Variants in ABI2 observed in about 807,000 individuals in gnomAD.
ABI2 encodes abl interactor 2.
In ABI2, 25 loss-of-function variants were observed where a neutral mutation model predicts 59.2. The observed-to-expected ratio is 0.42, with a 90% CI of 0.31 to 0.59. The LOEUF (loss-of-function observed/expected upper bound fraction) is 0.59, where lower values mean the gene tolerates loss of function less well. Ranked by LOEUF, ABI2 falls within the 20% of genes least tolerant of loss-of-function variation. The pLI, the probability that ABI2 is intolerant of heterozygous loss-of-function variation, is 0.14. For missense variants in ABI2, 545 were observed against 681.8 expected, an observed-to-expected ratio of 0.80 and a Z score of 2.23; for synonymous variants, 213 against 235.5, an observed-to-expected ratio of 0.90 and a Z score of 0.87.
At chr2:203,414,977 A>G (rs1178620154) in intron 10 of ABI2, among the ~76,000 whole-genome samples, 3 of 152,256 alleles carry the variant, frequency 2.0e-5, no homozygotes, top group Non-Finnish European at 4.4e-5. Flanking sequence ...AAAATGACCA[A>G]TGGCAGCATC....
intron 8 of ABI2, among the ~76,000 whole-genome samples, chr2:203,400,537 T>C (rs2097178231): frequency 6.6e-6 from 1 of 152,264 alleles, no homozygotes; most frequent in Non-Finnish European, 1.5e-5. Context: ...TAACTAAATA[T>C]GCCTTTTAAA....
intron 4 of ABI2, among the ~76,000 whole-genome samples, chr2:203,384,875 C>T (rs186403996): frequency 1.3e-5 from 2 of 151,018 alleles, no homozygotes; most frequent in African/African-American, 4.9e-5. Context: ...TGCTCCGTCA[C>T]CCAGGCTGGA....
At chr2:203,351,825 C>T (rs942722028) in intron 1 of ABI2, 15 of 237,704 alleles carry the variant, frequency 6.3e-5, no homozygotes, top group Non-Finnish European at 8.4e-5. Flanking sequence ...AGTGAACTAC[C>T]GCACCCAGCC....
chr2:203,425,286 CG>C (rs1559399847), intron 11 of ABI2, among the ~76,000 whole-genome samples: 1 of 151,932 alleles, frequency 6.6e-6, no homozygotes, highest in Non-Finnish European at 1.5e-5. Context: ...GGAAGTGTTG[CG>C]ATCTCAGCTC....
At chr2:203,359,935 C>T (rs2093162994) in intron 1 of ABI2, among the ~76,000 whole-genome samples, 1 of 151,776 alleles carries the variant, frequency 6.6e-6, no homozygotes, top group African/African-American at 2.4e-5. Context: ...GCCTGTAATC[C>T]CAGCAGTTTG....
intron 5 of ABI2, among the ~76,000 whole-genome samples, chr2:203,393,549 A>G (rs2096856828): frequency 6.6e-6 from 1 of 152,120 alleles, no homozygotes. Context: ...AGTGTCCCTT[A>G]TTTTATTTTT....
chr2:203,392,303 C>CACCACT lies in ABI2; in HGVS notation c.578+1165_578+1166insTACCAC, dbSNP rs1379368400. On this transcript the variant is annotated intron_variant, in intron 5 of 11. Coordinates refer to ENST00000261018, the MANE Select transcript of ABI2 (RefSeq NM_001375670.1). The stretch of plus-strand genomic sequence containing the variant: ...CCACCACCACCACCACCACCACCAC[C>CACCACT]ACCACCACCACCAACAACAACAACA... Among the ~76,000 whole-genome samples, 217 of 98,056 alleles carry CACCACT rather than the reference C, an allele frequency of 2.2e-3. 1 individual carries two copies. The highest frequency in any genetic ancestry group is 8.1e-3 in the African/African-American group (212 of 26,110). 64.3% of individuals were successfully genotyped at this position (98,056 alleles called of 152,430 possible). A position where few individuals can be genotyped will look rare whatever the true frequency, so the allele number is the denominator to read the frequency against.
chr2:203,424,314 A>G (rs1409679760), intron 11 of ABI2, among the ~76,000 whole-genome samples: 3 of 152,234 alleles, frequency 2.0e-5, no homozygotes, highest in African/African-American at 7.2e-5. Context: ...AAAGAATTAG[A>G]TGAAGTAAAC....
At position 203,384,299 on chromosome 2, in the gene ABI2, T is replaced by TG. The variant is rs1243270209; in HGVS notation, c.480+2093_480+2094insG. On this transcript the variant is annotated intron_variant, in intron 4 of 11. Transcript: ENST00000261018. ...TCTTGTTTTTGTTTTTGTTTTTTTT[T>TG]TTTTTTTTTTTTTTTTTTTTTTTTT... Among the ~76,000 whole-genome samples, 759 of 126,618 alleles carry TG rather than the reference T, an allele frequency of 6.0e-3. 14 individuals carry two copies. The highest frequency in any genetic ancestry group is 9.7e-3 in the African/African-American group (325 of 33,456). The allele number at this position is 126,618 out of a possible 152,430, so 83.1% of individuals were successfully genotyped here. A position where few individuals can be genotyped will look rare whatever the true frequency, so the allele number is the denominator to read the frequency against.
intron 4 of ABI2, among the ~76,000 whole-genome samples, chr2:203,388,380 A>G (rs1258352840): frequency 1.3e-5 from 2 of 152,082 alleles, no homozygotes; most frequent in African/African-American, 4.8e-5. Context: ...AAATGTACCA[A>G]GTTATATTCA....
At chr2:203,404,319 CTGT>C (rs1414104516) in intron 9 of ABI2, among the ~76,000 whole-genome samples, 5 of 152,184 alleles carry the variant, frequency 3.3e-5, no homozygotes, top group Non-Finnish European at 7.3e-5. Context: ...AGTGCTGTAT[CTGT>C]AGTCCATCCA....
intron 2 of ABI2, among the ~76,000 whole-genome samples, chr2:203,376,354 A>G (rs2095676209): frequency 6.6e-6 from 1 of 152,182 alleles, no homozygotes; most frequent in Non-Finnish European, 1.5e-5. Context: ...CAAGCCCAAA[A>G]TGTCAATAGT....
At position 203,431,646 on chromosome 2, in the gene ABI2, T is replaced by G. The variant is rs994470111; in HGVS notation, c.*4294T>G. On this transcript the variant is annotated 3_prime_UTR_variant, in exon 12 of 12. Coordinates refer to ENST00000261018, the MANE Select transcript of ABI2 (RefSeq NM_001375670.1). ...AGGCATTGAGCTCATTACCTTTAAGTTTACTTTGTGCTGACCTTTGTTCCT... is the reference window on the plus strand; with the variant it reads ...AGGCATTGAGCTCATTACCTTTAAGGTTACTTTGTGCTGACCTTTGTTCCT... 2.6e-5 allele frequency: 4 copies of G among 151,996 alleles called. No homozygotes were observed. Among genetic ancestry groups the G allele is most frequent in the Non-Finnish European group, 5.9e-5 (4 of 67,984 alleles). The allele number at this position is 151,996 out of a possible 1,614,324, so 9.4% of individuals were successfully genotyped here. A position where few individuals can be genotyped will look rare whatever the true frequency, so the allele number is the denominator to read the frequency against.
chr2:203,370,359 A>G (rs1488591305), intron 2 of ABI2, among the ~76,000 whole-genome samples: 1 of 151,806 alleles, frequency 6.6e-6, no homozygotes, highest in Non-Finnish European at 1.5e-5. Context: ...AAGTGCTGGG[A>G]TTACAGGCAT....
chr2:203,369,385 A>G lies in ABI2; in HGVS notation c.285+2341A>G, dbSNP rs187548990. 9.9e-5 allele frequency among the ~76,000 whole-genome samples: 15 copies of G among 152,280 alleles called. No individual in the cohort carries two copies. In the East Asian group the frequency reaches 1.7e-3, roughly 18 times the overall value. ...GAGATTATGTGGGTAAATGATGACA[A>G]CAAGCAAATAGCAATGAAGGATAAT... On this transcript the variant is annotated intron_variant, in intron 2 of 11. Transcript: ENST00000261018.
At chr2:203,358,099 GTGTGTGTGTGTGTGTTTGTT>G (rs1302648240) in intron 1 of ABI2, among the ~76,000 whole-genome samples, 1 of 145,812 alleles carries the variant, frequency 6.9e-6, no homozygotes, top group Non-Finnish European at 1.5e-5. Flanking sequence ...GTGTGTGTGT[GTGTGTGTGTGTGTGTTTGTT>G]TGTTTGTTTG....
chr2:203,350,978 GT>G (rs563455229), intron 1 of ABI2, among the ~76,000 whole-genome samples: 6 of 151,952 alleles, frequency 3.9e-5, no homozygotes, highest in African/African-American at 1.4e-4. Flanking sequence ...GAGTTTTATA[GT>G]TTTAGCTCTT....
At chr2:203,384,306 T>G (rs113320543) in intron 4 of ABI2, among the ~76,000 whole-genome samples, 25 of 138,440 alleles carry the variant, frequency 1.8e-4, no homozygotes, top group East Asian at 6.1e-4. Flanking sequence ...TTTTTTTTTT[T>G]TTTTTTTTTT....
intron 1 of ABI2, among the ~76,000 whole-genome samples, chr2:203,345,285 T>G (rs2082623886): frequency 1.3e-5 from 2 of 152,120 alleles, no homozygotes; most frequent in South Asian, 4.2e-4. Context: ...GTCTGTGGCT[T>G]CACCCTGAAG....
Sources: gnomAD v4.1 joint callset for allele counts (sites outside exome capture counted in the v4.1 genomes callset) on GRCh38, gnomAD v4.1.1 for gene constraint, MANE v1.5 for transcripts, NCBI Gene and HGNC (gene_info 2026-07-23, HGNC 2026-07-21) for gene names.